Variants in CHSY3 observed in about 807,000 individuals in gnomAD.
CHSY3 encodes chondroitin sulfate synthase 3.
Under a neutral mutation model 67.2 loss-of-function variants are expected in CHSY3, and 35 were observed. The ratio of observed to expected loss-of-function variants is 0.52; its 90% CI spans 0.40 to 0.69. The LOEUF is 0.69. Ranked by LOEUF, CHSY3 falls within the 30% of genes least tolerant of loss-of-function variation. The pLI, the probability that CHSY3 is intolerant of heterozygous loss-of-function variation, is 0.00. For synonymous variants in CHSY3, 474 were observed against 434.7 expected, an observed-to-expected ratio of 1.09 and a Z score of -1.12; for missense variants, 1,069 against 1,138.5, an observed-to-expected ratio of 0.94 and a Z score of 0.88.
chr5:129,938,575 T>C (rs1347445961), intron 2 of CHSY3, among the ~76,000 whole-genome samples: 1 of 152,208 alleles, frequency 6.6e-6, no homozygotes, highest in Non-Finnish European at 1.5e-5. Flanking sequence ...TCGTGAACAC[T>C]CTGCTGTGTA....
chr5:129,914,209 C>G (rs1157745961), intron 2 of CHSY3, among the ~76,000 whole-genome samples: 1 of 152,108 alleles, frequency 6.6e-6, no homozygotes, highest in Non-Finnish European at 1.5e-5. Context: ...CTCCCAGGTT[C>G]AAGTGATTCT....
At chr5:129,997,279 T>C (rs1763569527) in intron 2 of CHSY3, among the ~76,000 whole-genome samples, 1 of 152,198 alleles carries the variant, frequency 6.6e-6, no homozygotes, top group Non-Finnish European at 1.5e-5. Flanking sequence ...CCCACCTCTT[T>C]TTCTCTCAGA....
intron 2 of CHSY3, among the ~76,000 whole-genome samples, chr5:130,053,184 G>C (rs1290234283): frequency 6.6e-6 from 1 of 152,098 alleles, no homozygotes; most frequent in Non-Finnish European, 1.5e-5. Flanking sequence ...TCTGTATAGA[G>C]TTAGTCTCCT....
At chr5:130,073,949 A>G (rs2149683072) in intron 2 of CHSY3, among the ~76,000 whole-genome samples, 1 of 152,308 alleles carries the variant, frequency 6.6e-6, no homozygotes, top group East Asian at 1.9e-4. Flanking sequence ...ATATTCTTCC[A>G]AGTGGGCATC....
At chr5:130,108,459 A>G (rs935568779) in intron 2 of CHSY3, among the ~76,000 whole-genome samples, 9 of 151,740 alleles carry the variant, frequency 5.9e-5, no homozygotes, top group Non-Finnish European at 1.2e-4. Context: ...TTAAGTGGCA[A>G]TTTGCCATTT....
intron 2 of CHSY3, among the ~76,000 whole-genome samples, chr5:130,114,172 A>G (rs1767700060): frequency 6.6e-6 from 1 of 152,146 alleles, no homozygotes; most frequent in South Asian, 2.1e-4. Flanking sequence ...TGTCATTTTA[A>G]TTGTGGTTCT....
chr5:129,959,764 C>T (rs981362765), intron 2 of CHSY3, among the ~76,000 whole-genome samples: 4 of 151,972 alleles, frequency 2.6e-5, no homozygotes, highest in Admixed American at 6.6e-5. Context: ...AATTTTTTTC[C>T]GATTACAGTT....
intron 2 of CHSY3, among the ~76,000 whole-genome samples, chr5:129,910,815 A>AGG (rs1445343536): frequency 6.6e-6 from 1 of 152,020 alleles, no homozygotes. Context: ...ATTCTACTCC[A>AGG]GGTTGGCATT....
At chr5:129,952,908 A>G (rs936020228) in intron 2 of CHSY3, among the ~76,000 whole-genome samples, 7 of 152,234 alleles carry the variant, frequency 4.6e-5, no homozygotes, top group Non-Finnish European at 1.0e-4. Flanking sequence ...TTAAAATTGT[A>G]TGGCAAACTT....
chr5:129,972,509 C>CT (rs971676958), intron 2 of CHSY3, among the ~76,000 whole-genome samples: 3 of 151,624 alleles, frequency 2.0e-5, no homozygotes, highest in Non-Finnish European at 1.5e-5. Context: ...TGTTAATAGC[C>CT]TTTTTTTTCC....
chr5:130,155,146 T>G (rs2149725641), intron 2 of CHSY3, among the ~76,000 whole-genome samples: 1 of 152,308 alleles, frequency 6.6e-6, no homozygotes, highest in South Asian at 2.1e-4. Flanking sequence ...TTAACCTTGG[T>G]TTTAATTCTT....
At chr5:129,934,968 A>G (rs978437172) in intron 2 of CHSY3, among the ~76,000 whole-genome samples, 1 of 152,208 alleles carries the variant, frequency 6.6e-6, no homozygotes, top group Non-Finnish European at 1.5e-5. Flanking sequence ...ACATTAAATG[A>G]ATCAAAACGA....
intron 2 of CHSY3, among the ~76,000 whole-genome samples, chr5:130,146,477 G>A (rs1017152659): frequency 6.6e-6 from 1 of 152,076 alleles, no homozygotes; most frequent in Non-Finnish European, 1.5e-5. Flanking sequence ...AAGGGGGAGA[G>A]GCTGGTTAAT....
At chr5:130,037,741 C>T (rs373458869) in intron 2 of CHSY3, among the ~76,000 whole-genome samples, 4 of 151,950 alleles carry the variant, frequency 2.6e-5, no homozygotes, top group Admixed American at 1.3e-4. Context: ...AAGGAAAGGG[C>T]AATATTCCTC....
chr5:130,026,041 A>G (rs1764532190), intron 2 of CHSY3, among the ~76,000 whole-genome samples: 1 of 152,160 alleles, frequency 6.6e-6, no homozygotes, highest in South Asian at 2.1e-4. Context: ...GACCAGTACA[A>G]TGAAGATGAA....
intron 2 of CHSY3, among the ~76,000 whole-genome samples, chr5:130,011,204 G>A (rs1286571616): frequency 6.6e-6 from 1 of 152,082 alleles, no homozygotes; most frequent in Non-Finnish European, 1.5e-5. Flanking sequence ...TCTCTGATGG[G>A]CCTAGATGCA....
chr5:129,916,343 G>GT (rs1325786234), intron 2 of CHSY3, among the ~76,000 whole-genome samples: 1 of 152,146 alleles, frequency 6.6e-6, no homozygotes, highest in African/African-American at 2.4e-5. Context: ...AACCAACTAG[G>GT]TAAGGACAGG....
intron 2 of CHSY3, among the ~76,000 whole-genome samples, chr5:129,983,910 G>A (rs1391768072): frequency 6.6e-6 from 1 of 152,066 alleles, no homozygotes; most frequent in Non-Finnish European, 1.5e-5. Context: ...TGTGATCATA[G>A]TAATTCTCTG....
intron 2 of CHSY3, among the ~76,000 whole-genome samples, chr5:129,950,381 C>G (rs1351433989): frequency 6.6e-6 from 1 of 152,096 alleles, no homozygotes; most frequent in Non-Finnish European, 1.5e-5. Flanking sequence ...GATCCCTACT[C>G]TCATCACTTC....
Sources: gnomAD v4.1 joint callset for allele counts (sites outside exome capture counted in the v4.1 genomes callset) on GRCh38, gnomAD v4.1.1 for gene constraint, MANE v1.5 for transcripts, NCBI Gene and HGNC (gene_info 2026-07-23, HGNC 2026-07-21) for gene names.